Variants in PREX1 observed in about 807,000 individuals in gnomAD.
PREX1 encodes phosphatidylinositol-3,4,5-trisphosphate dependent Rac exchange factor 1.
PREX1 carries 41 observed loss-of-function variants against 198.3 expected under a neutral mutation model. That is an observed-to-expected ratio of 0.21 (90% CI 0.16 to 0.27). The LOEUF (loss-of-function observed/expected upper bound fraction) is 0.27, where lower values mean the gene tolerates loss of function less well. Among genes scored for constraint, PREX1 ranks in the 10% least tolerant of loss-of-function variants. The pLI, the probability that PREX1 is intolerant of heterozygous loss-of-function variation, is 1.00. For synonymous variants in PREX1, 843 were observed against 887.2 expected (o/e 0.95, Z 0.89); for missense variants, 1,620 against 2,200.7 (o/e 0.74, Z 5.28).
At chr20:48,793,281 G>T (rs982716005) in intron 1 of PREX1, among the ~76,000 whole-genome samples, 1 of 152,206 alleles carries the variant, frequency 6.6e-6, no homozygotes, top group Admixed American at 6.5e-5. Context: ...GAATAATGGG[G>T]AGTGACTACC....
At chr20:48,752,885 C>T (rs1199025388) in intron 1 of PREX1, among the ~76,000 whole-genome samples, 1 of 152,190 alleles carries the variant, frequency 6.6e-6, no homozygotes, top group Non-Finnish European at 1.5e-5. Context: ...TAACCACTGC[C>T]ATGCTGCAGA....
intron 19 of PREX1, among the ~76,000 whole-genome samples, chr20:48,653,907 T>C (rs2089522046): frequency 1.3e-5 from 2 of 152,246 alleles, no homozygotes; most frequent in Non-Finnish European, 2.9e-5. Flanking sequence ...ACCAGGCCTA[T>C]GAGACTCCAA....
At chr20:48,849,390 C>T in the PREX1 span, 1 of 152,128 alleles carries the variant, frequency 6.6e-6, no homozygotes, top group Non-Finnish European at 1.5e-5. Flanking sequence ...TGTGGTGACT[C>T]TTTTTACAAA....
intron 11 of PREX1, among the ~76,000 whole-genome samples, chr20:48,680,951 T>G (rs572127916): frequency 5.4e-4 from 83 of 152,294 alleles, no homozygotes; most frequent in Admixed American, 4.1e-3. Flanking sequence ...CAATAAATAT[T>G]TGCTGAATAA....
At chr20:48,715,729 A>G (rs1222878443) in intron 5 of PREX1, among the ~76,000 whole-genome samples, 3 of 152,238 alleles carry the variant, frequency 2.0e-5, no homozygotes, top group African/African-American at 7.2e-5. Context: ...TGATTTCTGC[A>G]TAGTAGGAAT....
the PREX1 span, among the ~76,000 whole-genome samples, chr20:48,861,186 C>T: frequency 2.0e-5 from 3 of 152,052 alleles, no homozygotes; most frequent in African/African-American, 7.2e-5. Flanking sequence ...ACTCTTTAGC[C>T]CCAGAACAGC....
the PREX1 span, among the ~76,000 whole-genome samples, chr20:48,844,464 A>C: frequency 3.9e-5 from 6 of 152,210 alleles, no homozygotes; most frequent in Admixed American, 3.9e-4. Flanking sequence ...CAGCAGGCAG[A>C]TCTTAATGAA....
Position 48,653,470 on chromosome 20 carries a change from C to G in PREX1, c.2237G>C (p.Cys746Ser). The change falls in exon 20 of 40, where the codon TGT (cysteine) becomes TCT (serine). Residue 746 changes from cysteine to serine, a missense_variant. Transcript: ENST00000371941. ...RGSEAMAAGL[C>S]AGQCILKVNG... ...GACCTTCAGAATGCACTGACCAGCA[C>G]AGAGCCCTGCAGCCATGGCCTCAGA... is the stretch of plus-strand genomic sequence containing the variant. 6.2e-7 allele frequency: 1 copy of G among 1,613,000 alleles called. No homozygotes were observed. Among genetic ancestry groups the G allele is most frequent in the Non-Finnish European group, 8.5e-7 (1 of 1,179,534 alleles).
chr20:48,791,343 A>C (rs929086738), intron 1 of PREX1, among the ~76,000 whole-genome samples: 1 of 152,188 alleles, frequency 6.6e-6, no homozygotes, highest in Non-Finnish European at 1.5e-5. Context: ...CACGTGCTGG[A>C]CGCTGTCCTA....
chr20:48,728,619 C>T (rs1452866272), intron 4 of PREX1, among the ~76,000 whole-genome samples: 1 of 152,218 alleles, frequency 6.6e-6, no homozygotes, highest in Admixed American at 6.5e-5. Flanking sequence ...GGAGCCAGCA[C>T]TTGCCACAGG....
chr20:48,743,717 G>A (rs1026932018), intron 3 of PREX1, among the ~76,000 whole-genome samples: 2 of 152,198 alleles, frequency 1.3e-5, no homozygotes, highest in Admixed American at 1.3e-4. Flanking sequence ...CCCGTTTATG[G>A]GTAAAAGGAC....
At chr20:48,776,838 A>C (rs950350780) in intron 1 of PREX1, among the ~76,000 whole-genome samples, 1 of 152,152 alleles carries the variant, frequency 6.6e-6, no homozygotes, top group African/African-American at 2.4e-5. Flanking sequence ...TATTTCTCCT[A>C]AGAGTCAGTG....
In PREX1 at chr20:48,747,758, C is replaced by A. The variant is rs759871333; in HGVS notation, c.291+51G>T. The A allele has an allele frequency of 5.8e-6, 9 of 1,547,084 alleles. No homozygotes were observed. The Admixed American group carries it at 1.4e-4, about 24-fold the overall frequency. On this transcript the variant is annotated intron_variant, in intron 2 of 39. Coordinates refer to ENST00000371941, the MANE Select transcript of PREX1 (RefSeq NM_020820.4). The stretch of plus-strand genomic sequence containing the variant: ...TGAGCATCGCACGGGAAGAGCAAGG[C>A]ACAAAGCAACACAGATGCTCTAGAA...
At chr20:48,656,410 C>T in intron 18 of PREX1, 2 of 307,454 alleles carry the variant, frequency 6.5e-6, no homozygotes, top group Non-Finnish European at 1.2e-5. Context: ...TGGGTCCTTG[C>T]CAGGGGCCTC....
At chr20:48,816,771 C>A (rs1186797176) in intron 1 of PREX1, among the ~76,000 whole-genome samples, 1 of 152,208 alleles carries the variant, frequency 6.6e-6, no homozygotes. Context: ...GCCCCACACC[C>A]TCCTCGCTCC....
intron 1 of PREX1, among the ~76,000 whole-genome samples, chr20:48,769,157 G>A (rs796899171): frequency 2.9e-4 from 44 of 152,210 alleles, no homozygotes; most frequent in African/African-American, 1.0e-3. Flanking sequence ...CCAAAGAGAC[G>A]AGCCACCCTC....
Position 48,666,703 on chromosome 20 carries a change from T to G in PREX1, c.1666-348A>C, listed in dbSNP as rs1221407227. Among the ~76,000 whole-genome samples, 1 of 151,870 alleles carries G rather than the reference T, an allele frequency of 6.6e-6. No individual in the cohort carries two copies. The highest frequency in any genetic ancestry group is 1.5e-5 in the Non-Finnish European group (1 of 67,970). ...ACCACGCCCGGCTAATTTTTTGTAT[T>G]TTTAGTAGAGACGGGGTTTCACTGT... On this transcript the variant is annotated intron_variant, in intron 14 of 39. Transcript: ENST00000371941. This position sits in a 1 kb window ranked among gnomAD's most constrained non-coding sequence, Gnocchi z 4.3.
At position 48,756,994 on chromosome 20, in the gene PREX1, G is replaced by C. The variant is rs146404364; in HGVS notation, c.220-9114C>G. Among the ~76,000 whole-genome samples, 14 of 152,118 alleles carry C rather than the reference G, an allele frequency of 9.2e-5. No individual in the cohort carries two copies. The East Asian group carries it at 2.7e-3, about 29-fold the overall frequency. On this transcript the variant is annotated intron_variant, in intron 1 of 39. Transcript: ENST00000371941. Reference sequence around the variant, plus strand: ...TCTCGTGAGACTTACTCACTATCACGAGAACGGCATGGGAAAGACCCGCCC... The same window carrying C: ...TCTCGTGAGACTTACTCACTATCACCAGAACGGCATGGGAAAGACCCGCCC...
intron 1 of PREX1, among the ~76,000 whole-genome samples, chr20:48,783,668 C>G (rs2090299943): frequency 6.6e-6 from 1 of 152,120 alleles, no homozygotes; most frequent in Non-Finnish European, 1.5e-5. Context: ...CCCACAGCAC[C>G]CTGACACCGT....
Sources: gnomAD v4.1 joint callset for allele counts (sites outside exome capture counted in the v4.1 genomes callset) on GRCh38, gnomAD v4.1.1 for gene constraint, Gnocchi (gnomAD v3.1) non-coding constraint, MANE v1.5 for transcripts, NCBI Gene and HGNC (gene_info 2026-07-23, HGNC 2026-07-21) for gene names.